Variants in CCDC40 observed in about 807,000 individuals in gnomAD.
The protein encoded by CCDC40 is coiled-coil domain-containing protein 40.
A neutral mutation model predicts 124.5 loss-of-function variants in CCDC40; 104 were observed. The ratio of observed to expected loss-of-function variants is 0.84; its 90% confidence interval spans 0.71 to 0.98. The LOEUF (loss-of-function observed/expected upper bound fraction) is 0.98. Ranked by LOEUF, CCDC40 falls within the 50% of genes least tolerant of loss-of-function variation. The pLI is 0.00. For synonymous variants in CCDC40, 580 were observed against 602.9 expected, an observed-to-expected ratio of 0.96 and a Z score of 0.56; for missense variants, 1,463 against 1,503.9, an observed-to-expected ratio of 0.97 and a Z score of 0.45.
At position 80,058,693 on chromosome 17, in the gene CCDC40, G is replaced by A. The variant is rs756283987; in HGVS notation, c.1317+42G>A. ...ACACATGTTTAATGATCACCAGACC[G>A]TGGAGCTTCAAAAAGGGGCTCAGCT... On this transcript the variant is annotated intron_variant, in intron 8 of 19. Coordinates refer to ENST00000397545, the MANE Select transcript of CCDC40 (RefSeq NM_017950.4). The surrounding 1 kb of genome is among the most constrained non-coding windows in gnomAD (Gnocchi z 4.2). The A allele has an allele frequency of 3.0e-5, 48 of 1,611,546 alleles. No homozygotes were observed. In the Middle Eastern group the frequency reaches 1.3e-3, roughly 44 times the overall value.
Position 80,058,762 on chromosome 17 carries a change from G to A in CCDC40, c.1318-96G>A, listed in dbSNP as rs1338998100. ...CTTCCGGCCGGAGGGGTGGCGGCCG[G>A]CCTGGGTGGCGTCAACTTGTATCAA... On this transcript the variant is annotated intron_variant, in intron 8 of 19. Coordinates refer to ENST00000397545, the MANE Select transcript of CCDC40 (RefSeq NM_017950.4). This position sits in a 1 kb window ranked among gnomAD's most constrained non-coding sequence, Gnocchi z 4.2. 1.2e-6 allele frequency: 2 copies of A among 1,608,108 alleles called. No homozygotes were observed. Among genetic ancestry groups the A allele is most frequent in the East Asian group, 2.2e-5 (1 of 44,832 alleles).
chr17:80,036,814 G>T (rs2037073761), intron 1 of CCDC40, 123 bp downstream of exon 1: 2 of 901,740 alleles, frequency 2.2e-6, no homozygotes, highest in Admixed American at 3.4e-5. Flanking sequence ...CCTTCCTCTC[G>T]CCTGTGTCCC....
intron 3 of CCDC40, among the ~76,000 whole-genome samples, chr17:80,043,666 C>G (rs2037342456): frequency 6.8e-6 from 1 of 147,636 alleles, no homozygotes; most frequent in African/African-American, 2.5e-5. Flanking sequence ...TGCAAGCACT[C>G]ACCATCACGC....
rs1401814247 is a variant in CCDC40, at chr17:80,100,510, C to A, written c.*735C>A. ...TCCCTGGACTTCCAAGTACCAATGACCTTGGGGCTTCTTTGCAGTTTAAAG... is the reference window on the plus strand; with the variant it reads ...TCCCTGGACTTCCAAGTACCAATGAACTTGGGGCTTCTTTGCAGTTTAAAG... On this transcript the variant is annotated 3_prime_UTR_variant, in exon 20 of 20. Transcript: ENST00000397545. 6.6e-6 allele frequency: 1 copy of A among 152,142 alleles called. No homozygotes were observed. Among genetic ancestry groups the A allele is most frequent in the Admixed American group, 6.6e-5 (1 of 15,262 alleles). 9.4% of individuals were successfully genotyped at this position (152,142 alleles called of 1,614,324 possible).
intron 10 of CCDC40, chr17:80,068,114 AC>A (rs2038096221): frequency 2.6e-6 from 1 of 383,476 alleles, no homozygotes; most frequent in Non-Finnish European, 3.6e-6. Flanking sequence ...GCTCACTGCG[AC>A]CTCCGCCTCC....
rs780493615 is a variant in CCDC40 at position 80,040,167 on chromosome 17, A to G, written c.449A>G (p.Glu150Gly). Reference protein sequence around the residue: ...GFQQEATGPPESRERRVTSPE... With the variant: ...GFQQEATGPPGSRERRVTSPE... ...CAGCAAGAGGCCACCGGTCCACCAG[A>G]ATCCAGAGAAAGGAGGGTCACCTCC... is the stretch of plus-strand genomic sequence containing the variant. Residue 150 changes from glutamate to glycine, a missense_variant, in exon 3 of 20, where the codon GAA becomes GGA. Transcript: ENST00000397545. 6.2e-7 allele frequency: 1 copy of G among 1,613,830 alleles called. No individual in the cohort carries two copies. The highest frequency in any genetic ancestry group is 1.3e-5 in the African/African-American group (1 of 74,910).
At chr17:80,053,361 G>T (rs1236664135) in intron 7 of CCDC40, among the ~76,000 whole-genome samples, 1 of 152,286 alleles carries the variant, frequency 6.6e-6, no homozygotes, top group East Asian at 1.9e-4. Context: ...CATCAGCTGC[G>T]CCTTGGAGGA....
At chr17:80,092,363 C>T (rs989903187) in intron 17 of CCDC40, among the ~76,000 whole-genome samples, 1 of 152,056 alleles carries the variant, frequency 6.6e-6, no homozygotes, top group African/African-American at 2.4e-5. Flanking sequence ...TAGAGACGTA[C>T]AATCATGTAG....
Position 80,099,577 on chromosome 17 carries a change from T to C in CCDC40, c.3231T>C (p.Ala1077=). Residue 1077 remains alanine, a synonymous_variant, in exon 20 of 20, where the codon GCT becomes GCC. Transcript: ENST00000397545. ...ALQTRLKHLQ[A]VKEGRYVFLF... Reference sequence around the variant, plus strand: ...AGACACGCCTTAAGCACCTGCAGGCTGTGAAGGAGGGGCGCTACGTGTTCC... The same window carrying C: ...AGACACGCCTTAAGCACCTGCAGGCCGTGAAGGAGGGGCGCTACGTGTTCC... 2.5e-6 allele frequency: 4 copies of C among 1,613,334 alleles called. No individual in the cohort carries two copies. Among genetic ancestry groups the C allele is most frequent in the Non-Finnish European group, 3.4e-6 (4 of 1,180,004 alleles).
In CCDC40 at chr17:80,087,806, T is replaced by G; in HGVS notation, c.2619+30T>G. On this transcript the variant is annotated intron_variant, in intron 15 of 19. Coordinates refer to ENST00000397545, the MANE Select transcript of CCDC40 (RefSeq NM_017950.4). This position sits in a 1 kb window ranked among gnomAD's most constrained non-coding sequence, Gnocchi z 4.5. ...GGCCGTGTCCACGCAGTCCCGGGGC[T>G]CAGGACGATGGAGGGCGGGGGTACG... 6.2e-7 allele frequency: 1 copy of G among 1,608,694 alleles called. No individual in the cohort carries two copies. The highest frequency in any genetic ancestry group is 8.5e-7 in the Non-Finnish European group (1 of 1,175,352).
At chr17:80,056,014 A>ATTTT (rs1173801732) in intron 7 of CCDC40, among the ~76,000 whole-genome samples, 1 of 13,446 alleles carries the variant, frequency 7.4e-5, no homozygotes, top group African/African-American at 2.7e-4. Context: ...ATATATATAT[A>ATTTT]TATTTTTTTT....
Position 80,066,272 on chromosome 17 carries a change from A to G in CCDC40, c.1562+666A>G, listed in dbSNP as rs2038044968. 4.4e-6 allele frequency: 3 copies of G among 677,166 alleles called. No homozygotes were observed. Among genetic ancestry groups the G allele is most frequent in the Non-Finnish European group, 5.4e-6 (2 of 370,542 alleles). The allele number at this position is 677,166 out of a possible 1,614,324, so 41.9% of individuals were successfully genotyped here. ...AGAGCCTGGCATACAGCAAGCGCTC[A>G]AGAAAGGCTGGACCAAGGAATGAGG... On this transcript the variant is annotated intron_variant, in intron 10 of 19. Transcript: ENST00000397545. The surrounding 1 kb of genome is among the most constrained non-coding windows in gnomAD (Gnocchi z 4.4).
At chr17:80,068,018 C>T in intron 10 of CCDC40, 1 of 1,032,306 alleles carries the variant, frequency 9.7e-7, no homozygotes, top group Non-Finnish European at 1.2e-6. Context: ...AGGAGTGAGG[C>T]CCAACTTTTA....
Position 80,056,014 on chromosome 17 carries a change from A to ATTTTTTTTTTTTT in CCDC40, c.1160-2479_1160-2478insTTTTTTTTTTTTT, listed in dbSNP as rs1173801732. The stretch of plus-strand genomic sequence containing the variant: ...TATATATATATATATATATATATAT[A>ATTTTTTTTTTTTT]TATTTTTTTTTTTTTTTGGTAGAAA... On this transcript the variant is annotated intron_variant, in intron 7 of 19. Transcript: ENST00000397545. Among the ~76,000 whole-genome samples the ATTTTTTTTTTTTT allele has an allele frequency of 2.1e-3, 28 of 13,446 alleles. 1 individual carries two copies. Among genetic ancestry groups the ATTTTTTTTTTTTT allele is most frequent in the Non-Finnish European group, 2.7e-3 (22 of 8,108 alleles). The allele number at this position is 13,446 out of a possible 152,430, so 8.8% of individuals were successfully genotyped here.
Position 80,049,982 on chromosome 17 carries a change from A to C in CCDC40, c.932A>C (p.Gln311Pro). ...ATCGAAAAGTTGAAGCTGGACCTCC[A>C]AGAGCTGGTGTGTATCCGTCCAGTC... Reference protein sequence around the residue: ...RQIEKLKLDLQELVVATKQSR... With the variant: ...RQIEKLKLDLPELVVATKQSR... The change falls in exon 6 of 20, where the codon CAA (glutamine) becomes CCA (proline). Residue 311 changes from glutamine to proline, a missense_variant. By Grantham distance (76) the Gln-to-Pro change is moderately conservative. Transcript: ENST00000397545. 3 of 1,614,090 alleles carry C rather than the reference A, an allele frequency of 1.9e-6. No individual in the cohort carries two copies. The highest frequency in any genetic ancestry group is 2.5e-6 in the Non-Finnish European group (3 of 1,179,968).
chr17:80,097,900 A>AAAAAGAAAAG (rs138469377), intron 19 of CCDC40: 2,676 of 162,736 alleles, frequency 0.016, 60 homozygotes, highest in East Asian at 0.076. Flanking sequence ...ATCCTGTCTC[A>AAAAAGAAAAG]AAAAGAAAAG....
intron 13 of CCDC40, 89 bp from the exon 14 acceptor site, chr17:80,085,914 C>G: frequency 8.1e-7 from 1 of 1,228,672 alleles, no homozygotes; most frequent in Non-Finnish European, 1.2e-6. Context: ...GGGTGATCCA[C>G]CCGCCTCAGC....
Position 80,097,233 on chromosome 17 carries a change from T to C in CCDC40, c.3022-12T>C. 2 of 1,613,810 alleles carry C rather than the reference T, an allele frequency of 1.2e-6. No homozygotes were observed. Among genetic ancestry groups the C allele is most frequent in the Non-Finnish European group, 1.7e-6 (2 of 1,179,978 alleles). On this transcript the variant is annotated splice_polypyrimidine_tract_variant and intron_variant, in intron 18 of 19. Transcript: ENST00000397545. The stretch of plus-strand genomic sequence containing the variant: ...GCTGCAGGGGCCCAGCATGGTCCTG[T>C]GATTCTCCTAGGCCACCGATGAGTG...
chr17:80,064,100 A>AG (rs142532266), intron 9 of CCDC40, among the ~76,000 whole-genome samples: 11,767 of 152,200 alleles, frequency 0.077, 1,468 homozygotes, highest in African/African-American at 0.26. Flanking sequence ...GAGGAAAAAA[A>AG]AGTCCCCCTC....
Sources: allele counts gnomAD v4.1 joint callset (sites outside exome capture counted in the v4.1 genomes callset), GRCh38; gene constraint gnomAD v4.1.1; non-coding constraint Gnocchi (gnomAD v3.1); transcripts MANE v1.5; gene names NCBI Gene and HGNC (gene_info 2026-07-23, HGNC 2026-07-21).